The following GREM2 variants were observed in gnomAD, a reference collection of about 807,000 sequenced individuals.
GREM2 encodes the protein gremlin-2.
GREM2 carries 11 observed loss-of-function variants against 14.2 expected under a neutral mutation model. The observed-to-expected ratio is 0.78, with a 90% CI of 0.49 to 1.28. GREM2 has a LOEUF of 1.28. GREM2 is among the 50% of genes most tolerant of loss of function. GREM2 has a pLI of 0.00. For synonymous variants in GREM2, 98 were observed against 97.6 expected (o/e 1.00, Z -0.02); for missense variants, 210 against 218.5 (o/e 0.96, Z 0.24).
At chr1:240,573,960 C>T (rs1028228888) in intron 1 of GREM2, among the ~76,000 whole-genome samples, 3 of 152,136 alleles carry the variant, frequency 2.0e-5, no homozygotes, top group African/African-American at 4.8e-5. Flanking sequence ...CACACTCTCG[C>T]CCTGGCTGGA....
At chr1:240,548,166 T>G (rs1678777150) in intron 1 of GREM2, among the ~76,000 whole-genome samples, 1 of 150,890 alleles carries the variant, frequency 6.6e-6, no homozygotes, top group Non-Finnish European at 1.5e-5. Context: ...TCCCAGCTAC[T>G]CGGGAGGCTG....
At chr1:240,515,535 T>A (rs890100465) in intron 1 of GREM2, among the ~76,000 whole-genome samples, 4 of 152,204 alleles carry the variant, frequency 2.6e-5, no homozygotes, top group Non-Finnish European at 5.9e-5. Context: ...TTTTTCCTCA[T>A]TTACTCATTT....
At chr1:240,497,874 A>T (rs1315869872) in intron 1 of GREM2, among the ~76,000 whole-genome samples, 1 of 152,156 alleles carries the variant, frequency 6.6e-6, no homozygotes, top group Non-Finnish European at 1.5e-5. Flanking sequence ...ATAGCCTCTT[A>T]AAAAGAAAGT....
intron 1 of GREM2, among the ~76,000 whole-genome samples, chr1:240,544,814 T>C (rs1037299836): frequency 6.6e-6 from 1 of 152,232 alleles, no homozygotes; most frequent in Admixed American, 6.5e-5. Flanking sequence ...AATCTACATA[T>C]GTGTTTCAAA....
chr1:240,596,898 A>G (rs1452364470), intron 1 of GREM2, among the ~76,000 whole-genome samples: 1 of 152,180 alleles, frequency 6.6e-6, no homozygotes, highest in African/African-American at 2.4e-5. Context: ...GGCAGAGAGA[A>G]AAAAAGGACC....
intron 1 of GREM2, among the ~76,000 whole-genome samples, chr1:240,587,697 G>T (rs1679624862): frequency 6.6e-6 from 1 of 152,076 alleles, no homozygotes; most frequent in Non-Finnish European, 1.5e-5. Flanking sequence ...ATGTTACATT[G>T]TGTAGATATA....
chr1:240,525,044 G>C (rs890198772), intron 1 of GREM2, among the ~76,000 whole-genome samples: 41 of 22,084 alleles, frequency 1.9e-3, no homozygotes, highest in African/African-American at 5.0e-3. Context: ...GGGAACCTCA[G>C]CTACAATTCC....
At chr1:240,538,140 C>T (rs918039415) in intron 1 of GREM2, among the ~76,000 whole-genome samples, 15 of 152,190 alleles carry the variant, frequency 9.9e-5, no homozygotes, top group East Asian at 3.9e-4. Context: ...TTCTTGACCA[C>T]GCTGATCTTA....
chr1:240,593,137 T>G (rs1224659511), intron 1 of GREM2, among the ~76,000 whole-genome samples: 2 of 151,590 alleles, frequency 1.3e-5, no homozygotes, highest in Non-Finnish European at 2.9e-5. Flanking sequence ...AGAGTGAAAC[T>G]CCATCTCAAG....
intron 1 of GREM2, among the ~76,000 whole-genome samples, chr1:240,592,772 A>G (rs56059968): frequency 0.047 from 7,147 of 152,160 alleles, 504 homozygotes; most frequent in African/African-American, 0.15. Context: ...TGCCGCATGC[A>G]CTGGCCTGTG....
chr1:240,529,596 C>A (rs1350759745), intron 1 of GREM2, among the ~76,000 whole-genome samples: 1 of 151,824 alleles, frequency 6.6e-6, no homozygotes, highest in Non-Finnish European at 1.5e-5. Flanking sequence ...AAAAAAAGAA[C>A]AGAAACAACT....
At chr1:240,530,689 T>G (rs1230699599) in intron 1 of GREM2, 1 of 152,182 alleles carries the variant, frequency 6.6e-6, no homozygotes, top group Non-Finnish European at 1.5e-5. Context: ...AAAAGATCAA[T>G]GGTCCATAAG....
At chr1:240,499,230 T>C (rs1396647865) in intron 1 of GREM2, among the ~76,000 whole-genome samples, 1 of 152,180 alleles carries the variant, frequency 6.6e-6, no homozygotes, top group Non-Finnish European at 1.5e-5. Flanking sequence ...AAGTGACCAA[T>C]GGCAAAGGGT....
rs538146289 is a variant in GREM2, at chr1:240,583,730, T to C, written c.-2+28154A>G. On this transcript the variant is annotated intron_variant, in intron 1 of 1. Coordinates refer to ENST00000318160, the MANE Select transcript of GREM2 (RefSeq NM_022469.4). ...CATTCTCCTGCCTCAGCCTCCTGAGTAGCTGGGACTACAGGCATGCGCCAC... is the reference window on the plus strand; with the variant it reads ...CATTCTCCTGCCTCAGCCTCCTGAGCAGCTGGGACTACAGGCATGCGCCAC... Among the ~76,000 whole-genome samples the C allele has an allele frequency of 1.1e-4, 17 of 152,122 alleles. No homozygotes were observed. In the South Asian group the frequency reaches 3.5e-3, roughly 32 times the overall value.
chr1:240,568,147 A>G (rs1679200818), intron 1 of GREM2, among the ~76,000 whole-genome samples: 1 of 152,170 alleles, frequency 6.6e-6, no homozygotes, highest in Non-Finnish European at 1.5e-5. Context: ...TAGCATTTAT[A>G]ACATATATAT....
At chr1:240,506,117 G>A (rs567739318) in intron 1 of GREM2, among the ~76,000 whole-genome samples, 1 of 152,200 alleles carries the variant, frequency 6.6e-6, no homozygotes, top group South Asian at 2.1e-4. Context: ...GTATATTAAA[G>A]CATATTATTA....
At chr1:240,564,886 G>T (rs576569237) in intron 1 of GREM2, among the ~76,000 whole-genome samples, 2 of 152,294 alleles carry the variant, frequency 1.3e-5, no homozygotes, top group South Asian at 4.1e-4. Flanking sequence ...GTTTTCTTTG[G>T]GTTGAGTATG....
rs144475427 is a variant in GREM2, at chr1:240,593,243, T to C, written c.-2+18641A>G. ...CTTTGTAAAGCTTTCCCTTCTCTTG[T>C]GCTCCCCATGCATGACAGGAAGGGG... On this transcript the variant is annotated intron_variant, in intron 1 of 1. Coordinates refer to ENST00000318160, the MANE Select transcript of GREM2 (RefSeq NM_022469.4). 1.1e-3 allele frequency among the ~76,000 whole-genome samples: 167 copies of C among 152,290 alleles called. 2 individuals carry two copies. Among genetic ancestry groups the C allele is most frequent in the African/African-American group, 3.8e-3 (158 of 41,542 alleles).
chr1:240,574,387 T>C (rs1358692152), intron 1 of GREM2, among the ~76,000 whole-genome samples: 1 of 152,204 alleles, frequency 6.6e-6, no homozygotes, highest in Non-Finnish European at 1.5e-5. Context: ...TTCTCTCACG[T>C]GGCACATGTG....
Sources: gnomAD v4.1 joint callset for allele counts (sites outside exome capture counted in the v4.1 genomes callset) on GRCh38, gnomAD v4.1.1 for gene constraint, MANE v1.5 for transcripts, NCBI Gene and HGNC (gene_info 2026-07-23, HGNC 2026-07-21) for gene names.